The following AADAC variants were observed in gnomAD, a reference collection of about 807,000 sequenced individuals.
AADAC encodes the protein arylacetamide deacetylase (esterase).
A neutral mutation model predicts 22.7 loss-of-function variants in AADAC; 17 were observed. The observed-to-expected ratio is 0.75, with a 90% CI of 0.51 to 1.12. AADAC has a LOEUF of 1.12. AADAC is among the 50% of genes most tolerant of loss of function. AADAC has a pLI of 0.00. For synonymous variants in AADAC, 167 were observed against 176.3 expected, an observed-to-expected ratio of 0.95 and a Z score of 0.42; for missense variants, 465 against 473.9, an observed-to-expected ratio of 0.98 and a Z score of 0.17.
In AADAC at chr3:151,827,969, C is replaced by T. The variant is rs1330099599; in HGVS notation, c.997C>T (p.Pro333Ser). Residue 333 changes from proline to serine, a missense_variant, in exon 5 of 5, where the codon CCC becomes TCC. Coordinates refer to ENST00000232892, the MANE Select transcript of AADAC (RefSeq NM_001086.3). ...TGATGACAACAAATTACGTGGCTTACCCCTGACCTATGTCATCACCTGTCA... is the reference window on the plus strand; with the variant it reads ...TGATGACAACAAATTACGTGGCTTATCCCTGACCTATGTCATCACCTGTCA... Reference protein sequence around the residue: ...LADDNKLRGLPLTYVITCQYD... With the variant: ...LADDNKLRGLSLTYVITCQYD... 1 of 1,612,474 alleles carries T rather than the reference C, an allele frequency of 6.2e-7. No individual in the cohort carries two copies. The highest frequency in any genetic ancestry group is 1.1e-5 in the South Asian group (1 of 90,950).
At position 151,828,088 on chromosome 3, in the gene AADAC, C is replaced by G; in HGVS notation, c.1116C>G (p.Phe372Leu). Residue 372 changes from phenylalanine (F) to leucine (L), a missense_variant, in exon 5 of 5, where the codon TTC becomes TTG. Coordinates refer to ENST00000232892, the MANE Select transcript of AADAC (RefSeq NM_001086.3). ...CTCATAACCATGTTGAGGATGGATT[C>G]CATGGAGCATTTTCATTTCTGGGAC... is the stretch of plus-strand genomic sequence containing the variant. ...QVTHNHVEDGFHGAFSFLGLK... is the reference protein window; with the variant it reads ...QVTHNHVEDGLHGAFSFLGLK... 1 of 1,611,652 alleles carries G rather than the reference C, an allele frequency of 6.2e-7. No homozygotes were observed.
intron 3 of AADAC, among the ~76,000 whole-genome samples, chr3:151,822,431 G>A (rs1716289609): frequency 6.6e-6 from 1 of 151,924 alleles, no homozygotes; most frequent in South Asian, 2.1e-4. Flanking sequence ...TGAATAAAAT[G>A]TGGTATATCT....
chr3:151,824,878 G>A (rs563470871), intron 4 of AADAC, 44 bp downstream of exon 4: 54 of 1,401,608 alleles, frequency 3.9e-5, no homozygotes, highest in Admixed American at 1.1e-4. Flanking sequence ...GCGTTTCTAC[G>A]CTGTTTTAAA....
Position 151,824,849 on chromosome 3 carries a change from T to C in AADAC, c.603+15T>C. 1 of 1,519,166 alleles carries C rather than the reference T, an allele frequency of 6.6e-7. No homozygotes were observed. The allele number at this position is 1,519,166 out of a possible 1,614,324, so 94.1% of individuals were successfully genotyped here. ...TGACTCAACAGGTATGTTCATAATT[T>C]CTATGCTTTTTAAAAATAGCGTTTC... On this transcript the variant is annotated intron_variant, in intron 4 of 4. Coordinates refer to ENST00000232892, the MANE Select transcript of AADAC (RefSeq NM_001086.3).
rs746795657 is a variant in AADAC at position 151,828,198 on chromosome 3, T to G, written c.*26T>G. On this transcript the variant is annotated 3_prime_UTR_variant, in exon 5 of 5. Transcript: ENST00000232892. ...TAAAACATGTAGCTATAACATATTTTAAAAATAAAATCTGAAAACCTCAGA... is the reference window on the plus strand; with the variant it reads ...TAAAACATGTAGCTATAACATATTTGAAAAATAAAATCTGAAAACCTCAGA... 3.6e-5 allele frequency: 49 copies of G among 1,359,898 alleles called. 2 individuals are homozygous for G. Among genetic ancestry groups the G allele is most frequent in the Non-Finnish European group, 4.8e-5 (49 of 1,026,486 alleles). The allele number at this position is 1,359,898 out of a possible 1,614,324, so 84.2% of individuals were successfully genotyped here. A position where few individuals can be genotyped will look rare whatever the true frequency, so the allele number is the denominator to read the frequency against.
At position 151,814,175 on chromosome 3, in the gene AADAC, T is replaced by C; in HGVS notation, c.13T>C (p.Ser5Pro). The C allele has an allele frequency of 6.2e-7, 1 of 1,613,372 alleles. No individual in the cohort carries two copies. Among genetic ancestry groups the C allele is most frequent in the Non-Finnish European group, 8.5e-7 (1 of 1,179,562 alleles). The change falls in exon 1 of 5, where the codon TCG becomes CCG. Residue 5 changes from serine (S) to proline (P), a missense_variant. Ser to Pro is a moderately conservative substitution (Grantham distance 74). Coordinates refer to ENST00000232892, the MANE Select transcript of AADAC (RefSeq NM_001086.3). Reference protein sequence around the residue: MGRKSLYLLIVGILI... With the variant: MGRKPLYLLIVGILI... ...CGGGACGTTCACCATGGGAAGAAAATCGCTGTACCTTCTGATTGTGGGGAT... is the reference window on the plus strand; with the variant it reads ...CGGGACGTTCACCATGGGAAGAAAACCGCTGTACCTTCTGATTGTGGGGAT...
chr3:151,816,256 C>T (rs1177318219), intron 1 of AADAC, among the ~76,000 whole-genome samples: 1 of 152,072 alleles, frequency 6.6e-6, no homozygotes, highest in East Asian at 1.9e-4. Context: ...CCACACCTCA[C>T]TGCACCTCCC....
In AADAC at chr3:151,827,629, T is replaced by A. The variant is rs1716555769; in HGVS notation, c.657T>A (p.Tyr219Ter). 1 of 1,606,838 alleles carries A rather than the reference T, an allele frequency of 6.2e-7. No homozygotes were observed. Residue 219 changes from tyrosine to a stop codon, truncating the protein, a stop_gained, in exon 5 of 5, where the codon TAT (tyrosine) becomes TAA (stop). Transcript: ENST00000232892. LOFTEE classifies it low-confidence loss of function (END_TRUNC). ...KIKLKIQSLIYPALQPLDVDL... is the reference protein window; with the variant it reads ...KIKLKIQSLI ...AACTCAAGATCCAGTCTTTAATTTA[T>A]CCTGCCCTTCAGCCTCTTGATGTAG...
Position 151,824,758 on chromosome 3 carries a change from A to G in AADAC, c.527A>G (p.Tyr176Cys), listed in dbSNP as rs775508718. 6.2e-7 allele frequency: 1 copy of G among 1,608,896 alleles called. No homozygotes were observed. Among genetic ancestry groups the G allele is most frequent in the African/African-American group, 1.3e-5 (1 of 74,910 alleles). ...WFLRKKVLAK[Y>C]GVNPERIGIS... ...TTACGTAAAAAAGTTCTTGCAAAATATGGTGTGAACCCTGAGAGAATCGGT... is the reference window on the plus strand; with the variant it reads ...TTACGTAAAAAAGTTCTTGCAAAATGTGGTGTGAACCCTGAGAGAATCGGT... The change falls in exon 4 of 5, where the codon TAT becomes TGT. Residue 176 changes from tyrosine to cysteine, a missense_variant. Tyr to Cys is a radical substitution (Grantham distance 194, BLOSUM62 -2). Transcript: ENST00000232892.
intron 3 of AADAC, 31 bp downstream of exon 3, chr3:151,820,483 A>T: frequency 7.4e-7 from 1 of 1,358,254 alleles, no homozygotes; most frequent in East Asian, 2.5e-5. Flanking sequence ...TTTCCTGGCC[A>T]GATGTCTGAC....
chr3:151,820,511 G>A, intron 3 of AADAC, 59 bp downstream of exon 3: 1 of 639,208 alleles, frequency 1.6e-6, no homozygotes, highest in Non-Finnish European at 2.2e-6. Flanking sequence ...GATTTTCTCA[G>A]CTTTCTTTTT....
intron 3 of AADAC, among the ~76,000 whole-genome samples, chr3:151,822,388 A>G (rs1286338473): frequency 3.9e-5 from 6 of 152,044 alleles, no homozygotes; most frequent in Non-Finnish European, 7.4e-5. Context: ...TTAAAAGTGG[A>G]AGCAACCCAA....
chr3:151,828,280 G>T lies in AADAC; in HGVS notation c.*108G>T, dbSNP rs1036029222. The T allele has an allele frequency of 9.8e-5, 56 of 573,530 alleles. 1 individual carries two copies. The highest frequency in any genetic ancestry group is 4.6e-5 in the Non-Finnish European group (17 of 368,934). The allele number at this position is 573,530 out of a possible 1,614,324, so 35.5% of individuals were successfully genotyped here. On this transcript the variant is annotated 3_prime_UTR_variant, in exon 5 of 5. Coordinates refer to ENST00000232892, the MANE Select transcript of AADAC (RefSeq NM_001086.3). The stretch of plus-strand genomic sequence containing the variant: ...ATGGTCTAGTTAAGTTCCACATGTA[G>T]CATAATTCTTAAATAGGCACTTTTC...
intron 1 of AADAC, among the ~76,000 whole-genome samples, chr3:151,815,593 T>C (rs1715949619): frequency 6.6e-6 from 1 of 151,938 alleles, no homozygotes; most frequent in East Asian, 1.9e-4. Context: ...GATTTTTTTC[T>C]TGGAGTCTTT....
At position 151,824,747 on chromosome 3, in the gene AADAC, T is replaced by C. The variant is rs201406202; in HGVS notation, c.516T>C (p.Val172=). The part of the protein sequence containing the change: ...NALRWFLRKK[V]LAKYGVNPER... The stretch of plus-strand genomic sequence containing the variant: ...TAAGGTGGTTCTTACGTAAAAAAGT[T>C]CTTGCAAAATATGGTGTGAACCCTG... The change falls in exon 4 of 5, where the codon GTT becomes GTC. Residue 172 remains valine, a synonymous_variant. Transcript: ENST00000232892. 8 of 1,608,950 alleles carry C rather than the reference T, an allele frequency of 5.0e-6. No individual in the cohort carries two copies. The highest frequency in any genetic ancestry group is 1.7e-5 in the Admixed American group (1 of 59,150).
At chr3:151,824,636 T>C in intron 3 of AADAC, 27 bp from the exon 4 acceptor site, 1 of 1,460,336 alleles carries the variant, frequency 6.8e-7, no homozygotes, top group Non-Finnish European at 9.1e-7. Flanking sequence ...AACAAAAAAA[T>C]GTGTAAACTA....
intron 1 of AADAC, among the ~76,000 whole-genome samples, chr3:151,815,226 GA>G (rs1247964798): frequency 2.6e-5 from 4 of 152,102 alleles, no homozygotes; most frequent in Admixed American, 6.5e-5. Context: ...TGCATGGTGA[GA>G]AAAAGCCATT....
chr3:151,819,795 A>G (rs1560310843), intron 2 of AADAC, among the ~76,000 whole-genome samples: 2 of 25,280 alleles, frequency 7.9e-5, no homozygotes, highest in Admixed American at 7.3e-4. Flanking sequence ...TAGACAAGAG[A>G]AAAAGAGGCA....
At chr3:151,827,497 T>TA (rs1716548045) in intron 4 of AADAC, 79 bp from the exon 5 acceptor site, 2 of 896,338 alleles carry the variant, frequency 2.2e-6, no homozygotes, top group Non-Finnish European at 3.4e-6. Context: ...ACAAGATAGA[T>TA]AGACAGATAG....
Sources: allele counts gnomAD v4.1 joint callset (sites outside exome capture counted in the v4.1 genomes callset), GRCh38; gene constraint gnomAD v4.1.1; transcripts MANE v1.5; gene names NCBI Gene and HGNC (gene_info 2026-07-23, HGNC 2026-07-21).